STAG1: variants seen among roughly 807,000 people sequenced by gnomAD.
STAG1 encodes cohesin subunit SA-1.
STAG1 carries 26 observed loss-of-function variants against 170.9 expected under a neutral mutation model. The ratio of observed to expected loss-of-function variants is 0.15; its 90% CI spans 0.11 to 0.21. The LOEUF is 0.21. Ranked by LOEUF, STAG1 falls within the 10% of genes least tolerant of loss-of-function variation. The pLI is 1.00. For synonymous variants in STAG1, 514 were observed against 497.7 expected (o/e 1.03, Z -0.44); for missense variants, 964 against 1,509.5 (o/e 0.64, Z 5.99).
intron 22 of STAG1, among the ~76,000 whole-genome samples, chr3:136,398,194 T>C (rs1382399209): frequency 3.3e-5 from 5 of 152,050 alleles, no homozygotes; most frequent in Non-Finnish European, 5.9e-5. Context: ...CTGAGCTCAC[T>C]GCAACCTCTA....
At chr3:136,400,237 T>C (rs1308160920) in intron 21 of STAG1, among the ~76,000 whole-genome samples, 3 of 151,192 alleles carry the variant, frequency 2.0e-5, no homozygotes, top group Non-Finnish European at 4.4e-5. Context: ...AAAATTTTCT[T>C]TTTTTTTTGA....
At chr3:136,722,226 A>G (rs1933325625) in intron 1 of STAG1, among the ~76,000 whole-genome samples, 2 of 151,228 alleles carry the variant, frequency 1.3e-5, no homozygotes, top group South Asian at 2.1e-4. Flanking sequence ...AAAAAAAAGG[A>G]AAAAAAAATG....
intron 6 of STAG1, among the ~76,000 whole-genome samples, chr3:136,523,825 T>C (rs1193624707): frequency 6.6e-6 from 1 of 152,238 alleles, no homozygotes; most frequent in Non-Finnish European, 1.5e-5. Context: ...CTAGCCAGTT[T>C]TCCCAGCACC....
chr3:136,666,357 T>C (rs1328013963), intron 1 of STAG1, among the ~76,000 whole-genome samples: 1 of 152,104 alleles, frequency 6.6e-6, no homozygotes, highest in Non-Finnish European at 1.5e-5. Flanking sequence ...ACTTCAGACC[T>C]ATGGAAACTA....
intron 9 of STAG1, among the ~76,000 whole-genome samples, chr3:136,491,398 G>C (rs2090122925): frequency 6.6e-6 from 1 of 151,922 alleles, no homozygotes; most frequent in South Asian, 2.1e-4. Context: ...CTGTGATCTG[G>C]GTAAACTCCT....
intron 3 of STAG1, among the ~76,000 whole-genome samples, chr3:136,609,991 A>G (rs1939186160): frequency 1.3e-5 from 2 of 152,084 alleles, no homozygotes; most frequent in South Asian, 2.1e-4. Context: ...AATGTCTTGG[A>G]TATTTTAAAT....
chr3:136,687,550 GT>G (rs1282670446), intron 1 of STAG1, among the ~76,000 whole-genome samples: 5 of 151,926 alleles, frequency 3.3e-5, no homozygotes, highest in Non-Finnish European at 5.9e-5. Flanking sequence ...AATCTGAATA[GT>G]TGCACTGGGA....
intron 1 of STAG1, among the ~76,000 whole-genome samples, chr3:136,723,494 G>A (rs1250963780): frequency 1.1e-4 from 17 of 151,142 alleles, no homozygotes; most frequent in Non-Finnish European, 1.9e-4. Context: ...CCCTCCGCCC[G>A]GCAGCCACCC....
At chr3:136,376,512 A>G (rs544093619) in intron 23 of STAG1, among the ~76,000 whole-genome samples, 1 of 152,224 alleles carries the variant, frequency 6.6e-6, no homozygotes, top group African/African-American at 2.4e-5. Context: ...AGGGACTCAG[A>G]AACTCCTTGC....
chr3:136,658,430 G>A (rs1363982146), intron 1 of STAG1, among the ~76,000 whole-genome samples: 1 of 151,992 alleles, frequency 6.6e-6, no homozygotes, highest in Non-Finnish European at 1.5e-5. Context: ...GGTGTTGGTA[G>A]ATATTGATTT....
intron 1 of STAG1, among the ~76,000 whole-genome samples, chr3:136,677,797 G>A (rs991595679): frequency 4.0e-5 from 6 of 151,282 alleles, no homozygotes; most frequent in Non-Finnish European, 7.4e-5. Context: ...AAGGTATTTT[G>A]TTATAGCAGC....
intron 9 of STAG1, among the ~76,000 whole-genome samples, chr3:136,492,330 A>C (rs965703810): frequency 6.6e-6 from 1 of 152,246 alleles, no homozygotes; most frequent in Non-Finnish European, 1.5e-5. Flanking sequence ...ACATTGTAAC[A>C]GTAAGAAATT....
intron 4 of STAG1, among the ~76,000 whole-genome samples, chr3:136,600,145 T>C (rs901968793): frequency 6.6e-6 from 1 of 152,212 alleles, no homozygotes; most frequent in African/African-American, 2.4e-5. Flanking sequence ...AAAATAGCCA[T>C]GCAAACTACT....
At chr3:136,624,830 A>T (rs1425694729) in intron 2 of STAG1, among the ~76,000 whole-genome samples, 1 of 152,256 alleles carries the variant, frequency 6.6e-6, no homozygotes, top group East Asian at 1.9e-4. Flanking sequence ...AGTGACAAAC[A>T]GTAGTACAGC....
chr3:136,421,729 A>C (rs900644541), intron 19 of STAG1, among the ~76,000 whole-genome samples: 10 of 152,244 alleles, frequency 6.6e-5, no homozygotes, highest in African/African-American at 2.4e-4. Flanking sequence ...ACCATTGATA[A>C]GCAGGCATCC....
chr3:136,366,911 G>A (rs368317972), intron 25 of STAG1, 32 bp downstream of exon 25: 130 of 1,523,434 alleles, frequency 8.5e-5, no homozygotes, highest in Non-Finnish European at 1.1e-4. Context: ...GCCAGTTAGA[G>A]GAAGGAGAAA....
Position 136,380,522 on chromosome 3 carries a change from G to A in STAG1, c.2278-2770C>T, listed in dbSNP as rs755807199. On this transcript the variant is annotated intron_variant, in intron 22 of 33. Coordinates refer to ENST00000383202, the MANE Select transcript of STAG1 (RefSeq NM_005862.3). ...CACTAAGTGCTAGGATTACAGGCGT[G>A]AGCCACCGTGCCCAGCCAGGGATAA... Among the ~76,000 whole-genome samples the A allele has an allele frequency of 8.5e-5, 13 of 152,166 alleles. No individual in the cohort carries two copies. In the East Asian group the frequency reaches 2.5e-3, roughly 30 times the overall value.
intron 8 of STAG1, 59 bp downstream of exon 8, chr3:136,502,569 T>C (rs1933542418): frequency 3.9e-6 from 6 of 1,533,986 alleles, no homozygotes; most frequent in South Asian, 3.8e-5. Context: ...AAAGTACTAA[T>C]GTCATATATA....
intron 1 of STAG1, among the ~76,000 whole-genome samples, chr3:136,686,556 C>CT (rs1942539794): frequency 6.6e-6 from 1 of 152,138 alleles, no homozygotes; most frequent in East Asian, 1.9e-4. Flanking sequence ...GGAGAACTGG[C>CT]TTTACAAAGG....
Sources: gnomAD v4.1 joint callset for allele counts (sites outside exome capture counted in the v4.1 genomes callset) on GRCh38, gnomAD v4.1.1 for gene constraint, MANE v1.5 for transcripts, NCBI Gene and HGNC (gene_info 2026-07-23, HGNC 2026-07-21) for gene names.